The following NBAS variants were observed in gnomAD, a reference collection of about 807,000 sequenced individuals.
NBAS encodes NAG/BC035112 fusion.
In NBAS, 219 loss-of-function variants were observed where a neutral mutation model predicts 302.5. The observed-to-expected ratio is 0.72, with a 90% CI of 0.65 to 0.81. The LOEUF is 0.81. Among genes scored for constraint, NBAS ranks in the 30% least tolerant of loss-of-function variants. The pLI, the probability that NBAS is intolerant of heterozygous loss-of-function variation, is 0.00. For missense variants in NBAS, 2,932 were observed against 2,841.6 expected (o/e 1.03, Z -0.72); for synonymous variants, 1,118 against 1,021.6 (o/e 1.09, Z -1.80).
At chr2:14,924,814 C>G in the NBAS span, among the ~76,000 whole-genome samples, 1 of 151,992 alleles carries the variant, frequency 6.6e-6, no homozygotes, top group Non-Finnish European at 1.5e-5. Flanking sequence ...TAATCCCTCC[C>G]CCTACACAAT....
intron 37 of NBAS, 98 bp downstream of exon 37, chr2:15,328,101 G>C: frequency 7.8e-7 from 1 of 1,288,156 alleles, no homozygotes; most frequent in Non-Finnish European, 1.1e-6. Flanking sequence ...TAAGAACCAA[G>C]ACAAATAAGT....
chr2:14,791,410 A>C, the NBAS span, among the ~76,000 whole-genome samples: 1 of 152,220 alleles, frequency 6.6e-6, no homozygotes, highest in Non-Finnish European at 1.5e-5. Flanking sequence ...AAGAGAAAGT[A>C]AATAAAGTGT....
At chr2:14,853,457 C>A in the NBAS span, among the ~76,000 whole-genome samples, 1 of 97,312 alleles carries the variant, frequency 1.0e-5, no homozygotes, top group Non-Finnish European at 2.0e-5. Flanking sequence ...AATAGGGACA[C>A]TTTTACACTG....
chr2:15,311,595 T>G (rs2148169538), intron 38 of NBAS, among the ~76,000 whole-genome samples: 1 of 152,338 alleles, frequency 6.6e-6, no homozygotes, highest in Non-Finnish European at 1.5e-5. Flanking sequence ...GCATAAAGAC[T>G]AATTTCACCA....
chr2:15,356,197 T>C (rs956314287), intron 33 of NBAS, 106 bp downstream of exon 33: 6 of 885,138 alleles, frequency 6.8e-6, no homozygotes, highest in East Asian at 2.4e-5. Context: ...CAAGCCTCAA[T>C]GTGGCTGGCT....
At chr2:14,980,760 A>C in the NBAS span, among the ~76,000 whole-genome samples, 1 of 152,234 alleles carries the variant, frequency 6.6e-6, no homozygotes, top group East Asian at 1.9e-4. Context: ...TATAAAAGAA[A>C]CAATCAATTT....
intron 31 of NBAS, among the ~76,000 whole-genome samples, chr2:15,368,854 T>TC (rs1341290171): frequency 4.6e-5 from 7 of 152,172 alleles, no homozygotes; most frequent in Admixed American, 1.3e-4. Flanking sequence ...AGACCGTGTC[T>TC]CAAGGGGTGG....
At chr2:15,559,866 T>C (rs982112908) in intron 1 of NBAS, among the ~76,000 whole-genome samples, 7 of 152,218 alleles carry the variant, frequency 4.6e-5, no homozygotes, top group African/African-American at 1.7e-4. Context: ...GAGTGGAAAC[T>C]TATCTAACCA....
chr2:15,218,654 C>G, intron 48 of NBAS, 119 bp downstream of exon 48: 2 of 1,333,224 alleles, frequency 1.5e-6, no homozygotes, highest in South Asian at 1.2e-5. Flanking sequence ...TCTTGAACTC[C>G]TGGCCTCAGG....
chr2:14,996,594 G>A, the NBAS span, among the ~76,000 whole-genome samples: 35 of 152,290 alleles, frequency 2.3e-4, no homozygotes, highest in African/African-American at 8.4e-4. Context: ...AGATATTGTT[G>A]TCTCTTTGCG....
chr2:15,330,637 C>T lies in NBAS; in HGVS notation c.4308G>A (p.Gln1436=). ...GGTAAGTTAAAGACTTCTTCCACCA[C>T]TGCCCATCACTGACGGCCTGCAGCA... ...KAVLQAVSDG[Q]WWKKSLTYLR... is the part of the protein sequence containing the mutation. Residue 1436 remains glutamine (Q), a synonymous_variant, in exon 36 of 52, where the codon CAG becomes CAA. Coordinates refer to ENST00000281513, the MANE Select transcript of NBAS (RefSeq NM_015909.4). 6.2e-7 allele frequency: 1 copy of T among 1,614,058 alleles called. No individual in the cohort carries two copies. The highest frequency in any genetic ancestry group is 8.5e-7 in the Non-Finnish European group (1 of 1,179,948).
At chr2:14,875,908 G>C in the NBAS span, among the ~76,000 whole-genome samples, 1 of 152,224 alleles carries the variant, frequency 6.6e-6, no homozygotes, top group African/African-American at 2.4e-5. Flanking sequence ...TCATGAGATT[G>C]TGTTAATTTC....
the NBAS span, among the ~76,000 whole-genome samples, chr2:15,058,755 G>T: frequency 1.3e-5 from 2 of 152,152 alleles, no homozygotes; most frequent in South Asian, 4.1e-4. Context: ...TTCACAACTG[G>T]CCGGGAATCT....
At chr2:14,829,118 G>A in the NBAS span, among the ~76,000 whole-genome samples, 1 of 151,484 alleles carries the variant, frequency 6.6e-6, no homozygotes, top group African/African-American at 2.4e-5. Flanking sequence ...CTGACAGGAT[G>A]AGGCCCAGAA....
intron 51 of NBAS, among the ~76,000 whole-genome samples, chr2:15,174,917 T>C (rs965382052): frequency 5.9e-5 from 9 of 152,224 alleles, no homozygotes; most frequent in Admixed American, 1.3e-4. Context: ...ATGGTAATTA[T>C]TGTCATCAAG....
At chr2:15,427,548 T>A (rs1677540062) in intron 22 of NBAS, among the ~76,000 whole-genome samples, 163 bp downstream of exon 22, 2 of 152,298 alleles carry the variant, frequency 1.3e-5, no homozygotes, top group Admixed American at 6.5e-5. Flanking sequence ...CATTAAAAAA[T>A]TTTAACATAA....
At chr2:15,120,804 A>T in the NBAS span, among the ~76,000 whole-genome samples, 1 of 152,234 alleles carries the variant, frequency 6.6e-6, no homozygotes, top group Non-Finnish European at 1.5e-5. Flanking sequence ...GAACACAGCC[A>T]GACCAACTGC....
chr2:14,842,898 C>T, the NBAS span, among the ~76,000 whole-genome samples: 7,798 of 145,916 alleles, frequency 0.053, 673 homozygotes, highest in African/African-American at 0.18. Context: ...AATATAGATG[C>T]AAAAATTCTC....
the NBAS span, among the ~76,000 whole-genome samples, chr2:15,151,073 C>T: frequency 6.6e-6 from 1 of 152,264 alleles, no homozygotes; most frequent in Non-Finnish European, 1.5e-5. Context: ...ATAATGGAGC[C>T]GTAGAGAAAT....
Sources: gnomAD v4.1 joint callset for allele counts (sites outside exome capture counted in the v4.1 genomes callset) on GRCh38, gnomAD v4.1.1 for gene constraint, MANE v1.5 for transcripts, NCBI Gene and HGNC (gene_info 2026-07-23, HGNC 2026-07-21) for gene names.